The following CNTNAP5 variants were observed in gnomAD, a reference collection of about 807,000 sequenced individuals.
CNTNAP5 encodes the protein contactin associated protein family member 5.
In CNTNAP5, 72 loss-of-function variants were observed where a neutral mutation model predicts 150.2. That is an observed-to-expected ratio of 0.48 (90% CI 0.40 to 0.58). CNTNAP5 has a LOEUF of 0.58. Among genes scored for constraint, CNTNAP5 ranks in the 20% least tolerant of loss-of-function variants. The pLI is 0.00. For synonymous variants in CNTNAP5, 672 were observed against 619.8 expected (o/e 1.08, Z -1.25); for missense variants, 1,636 against 1,626.2 (o/e 1.01, Z -0.10).
chr2:124,603,634 C>T (rs1697033710), intron 11 of CNTNAP5, among the ~76,000 whole-genome samples: 1 of 152,114 alleles, frequency 6.6e-6, no homozygotes, highest in Non-Finnish European at 1.5e-5. Context: ...CATTCAAATA[C>T]ATTTATACAA....
intron 3 of CNTNAP5, among the ~76,000 whole-genome samples, chr2:124,375,262 G>A (rs1032443622): frequency 4.0e-5 from 6 of 151,878 alleles, no homozygotes; most frequent in African/African-American, 1.5e-4. Context: ...AAAAAAAACA[G>A]TAAATTTCTT....
At chr2:124,611,792 G>A (rs1034127635) in intron 12 of CNTNAP5, among the ~76,000 whole-genome samples, 11 of 152,220 alleles carry the variant, frequency 7.2e-5, no homozygotes, top group Non-Finnish European at 8.8e-5. Flanking sequence ...GTGGCCAGGT[G>A]TGACTTGTAA....
At chr2:124,235,940 C>CTTATTTAT (rs60439622) in intron 2 of CNTNAP5, among the ~76,000 whole-genome samples, 27 of 145,026 alleles carry the variant, frequency 1.9e-4, no homozygotes, top group South Asian at 1.1e-3. Flanking sequence ...CAAGTTCCCA[C>CTTATTTAT]TTATTTATTT....
chr2:124,426,411 C>G (rs1692238918), intron 4 of CNTNAP5, among the ~76,000 whole-genome samples: 1 of 152,146 alleles, frequency 6.6e-6, no homozygotes, highest in Admixed American at 6.5e-5. Context: ...TTGTGGATTG[C>G]TAGCCAAAGC....
At chr2:124,534,559 A>G (rs1695185439) in intron 10 of CNTNAP5, among the ~76,000 whole-genome samples, 1 of 152,130 alleles carries the variant, frequency 6.6e-6, no homozygotes, top group Non-Finnish European at 1.5e-5. Flanking sequence ...CTCTATCACC[A>G]CTGTATTTTC....
At chr2:124,591,995 G>T (rs950799348) in intron 11 of CNTNAP5, among the ~76,000 whole-genome samples, 3 of 151,982 alleles carry the variant, frequency 2.0e-5, no homozygotes, top group Non-Finnish European at 2.9e-5. Flanking sequence ...CATTGTCTGT[G>T]CTTTTCTCTC....
chr2:124,214,093 A>G (rs1218583449), intron 1 of CNTNAP5, among the ~76,000 whole-genome samples: 1 of 152,136 alleles, frequency 6.6e-6, no homozygotes, highest in Non-Finnish European at 1.5e-5. Flanking sequence ...TAGAGTCCTC[A>G]TCCATGGAAT....
At chr2:124,689,614 T>C (rs10206171) in intron 13 of CNTNAP5, among the ~76,000 whole-genome samples, 91,371 of 151,952 alleles carry the variant, frequency 0.6, 28,458 homozygotes, top group African/African-American at 0.66. Context: ...TGTGCATTTA[T>C]GTGCACATAT....
intron 14 of CNTNAP5, among the ~76,000 whole-genome samples, chr2:124,763,042 A>G (rs1680991523): frequency 1.3e-5 from 2 of 152,124 alleles, no homozygotes; most frequent in African/African-American, 4.8e-5. Flanking sequence ...AAAATATCCA[A>G]TGGCTTATCC....
intron 3 of CNTNAP5, among the ~76,000 whole-genome samples, chr2:124,255,391 G>A (rs2104785021): frequency 6.6e-6 from 1 of 152,026 alleles, no homozygotes; most frequent in East Asian, 1.9e-4. Context: ...GGGTGTGGTG[G>A]TGTTCACCTG....
Position 124,524,332 on chromosome 2 carries a change from T to A in CNTNAP5, c.1357T>A (p.Ser453Thr). ...CAACTTGAATGATGGCCTGTGGCACTCGGTTAGCATCAACGCCAGGAGGAA... is the reference window on the plus strand; with the variant it reads ...CAACTTGAATGATGGCCTGTGGCACACGGTTAGCATCAACGCCAGGAGGAA... ...GSNLNDGLWH[S>T]VSINARRNRI... The change falls in exon 9 of 24, where the codon TCG becomes ACG. Residue 453 changes from serine (S) to threonine (T), a missense_variant. Coordinates refer to ENST00000682447, the MANE Select transcript of CNTNAP5 (RefSeq NM_001367498.1). 2 of 1,613,860 alleles carry A rather than the reference T, an allele frequency of 1.2e-6. No individual in the cohort carries two copies. The highest frequency in any genetic ancestry group is 1.7e-6 in the Non-Finnish European group (2 of 1,179,810).
intron 3 of CNTNAP5, among the ~76,000 whole-genome samples, chr2:124,288,083 C>T (rs748969380): frequency 6.6e-6 from 1 of 152,114 alleles, no homozygotes; most frequent in Admixed American, 6.5e-5. Flanking sequence ...GCTTCTGTCA[C>T]CATGCCTGGC....
intron 6 of CNTNAP5, among the ~76,000 whole-genome samples, chr2:124,474,131 C>T (rs1693584927): frequency 6.6e-6 from 1 of 152,024 alleles, no homozygotes; most frequent in Non-Finnish European, 1.5e-5. Flanking sequence ...TTAAAATCAA[C>T]ATTATATTTA....
chr2:124,492,676 A>G (rs12477679), intron 7 of CNTNAP5, among the ~76,000 whole-genome samples: 29,907 of 152,098 alleles, frequency 0.2, 3,239 homozygotes, highest in East Asian at 0.49. Context: ...TAGTATGAAC[A>G]TTGTAACAAT....
chr2:124,068,468 C>T (rs1573730739), intron 1 of CNTNAP5, among the ~76,000 whole-genome samples: 1 of 152,134 alleles, frequency 6.6e-6, no homozygotes, highest in Non-Finnish European at 1.5e-5. Context: ...TTCTTAGAAG[C>T]CTCACCTTTG....
chr2:124,348,170 C>T (rs1397582416), intron 3 of CNTNAP5, among the ~76,000 whole-genome samples: 1 of 152,112 alleles, frequency 6.6e-6, no homozygotes, highest in East Asian at 1.9e-4. Context: ...TTTGTTAAAA[C>T]GCATTTTAAT....
At chr2:124,047,057 G>A (rs1319061972) in intron 1 of CNTNAP5, among the ~76,000 whole-genome samples, 4 of 152,122 alleles carry the variant, frequency 2.6e-5, no homozygotes, top group Non-Finnish European at 2.9e-5. Flanking sequence ...CCTAAGAATC[G>A]AGTGTTTACT....
intron 1 of CNTNAP5, among the ~76,000 whole-genome samples, chr2:124,117,088 C>T (rs1683446185): frequency 1.3e-5 from 2 of 152,288 alleles, no homozygotes; most frequent in South Asian, 4.1e-4. Context: ...CTGATATTGT[C>T]AGCATTATTC....
At chr2:124,900,290 C>T (rs1678389287) in intron 21 of CNTNAP5, among the ~76,000 whole-genome samples, 1 of 151,576 alleles carries the variant, frequency 6.6e-6, no homozygotes. Context: ...TAGCATACTA[C>T]ATATCAGTTA....
Sources: allele counts gnomAD v4.1 joint callset (sites outside exome capture counted in the v4.1 genomes callset), GRCh38; gene constraint gnomAD v4.1.1; transcripts MANE v1.5; gene names NCBI Gene and HGNC (gene_info 2026-07-23, HGNC 2026-07-21).